KCNIP1: variants seen among roughly 807,000 people sequenced by gnomAD.
KCNIP1 encodes A-type potassium channel modulatory protein KCNIP1.
KCNIP1 carries 18 observed loss-of-function variants against 33.0 expected under a neutral mutation model. The ratio of observed to expected loss-of-function variants is 0.55; its 90% CI spans 0.38 to 0.81. KCNIP1 has a LOEUF of 0.81. KCNIP1 is among the 30% of genes least tolerant of loss of function. The pLI is 0.00. For synonymous variants in KCNIP1, 93 were observed against 98.3 expected (o/e 0.95, Z 0.32); for missense variants, 238 against 271.6 (o/e 0.88, Z 0.87).
At chr5:170,675,880 A>G (rs1359507152) in intron 1 of KCNIP1, among the ~76,000 whole-genome samples, 1 of 152,174 alleles carries the variant, frequency 6.6e-6, no homozygotes, top group African/African-American at 2.4e-5. Flanking sequence ...AAACTGCAAC[A>G]CGCAAATAGA....
intron 1 of KCNIP1, among the ~76,000 whole-genome samples, chr5:170,573,772 A>G (rs1333172663): frequency 6.6e-6 from 1 of 152,276 alleles, no homozygotes; most frequent in Non-Finnish European, 1.5e-5. Context: ...CCTTTGCAAA[A>G]AAGACAGTGG....
chr5:170,514,602 T>C (rs916314820), intron 1 of KCNIP1, among the ~76,000 whole-genome samples: 1 of 152,234 alleles, frequency 6.6e-6, no homozygotes, highest in Admixed American at 6.5e-5. Flanking sequence ...TTTAAGGAAG[T>C]CTGCCAAATT....
chr5:170,368,622 T>A (rs1763763263), intron 1 of KCNIP1, among the ~76,000 whole-genome samples: 1 of 152,224 alleles, frequency 6.6e-6, no homozygotes, highest in Non-Finnish European at 1.5e-5. Context: ...GCATCCATAT[T>A]TAATCAGAAA....
chr5:170,547,799 C>G (rs754836326), intron 1 of KCNIP1, among the ~76,000 whole-genome samples: 8 of 152,134 alleles, frequency 5.3e-5, no homozygotes, highest in Non-Finnish European at 1.0e-4. Context: ...GATTCCATAT[C>G]TCTGCTATTG....
At chr5:170,383,823 G>C in intron 1 of KCNIP1, 4 of 1,614,040 alleles carry the variant, frequency 2.5e-6, no homozygotes, top group Non-Finnish European at 3.4e-6. Flanking sequence ...TCTCAATCAG[G>C]TGGCACTTGG....
At chr5:170,719,691 T>A (rs962754251) in intron 2 of KCNIP1, among the ~76,000 whole-genome samples, 2 of 152,158 alleles carry the variant, frequency 1.3e-5, no homozygotes, top group African/African-American at 4.8e-5. Context: ...CCACAGGGAT[T>A]CCAGCCCCTC....
chr5:170,487,637 T>C (rs1378235803), intron 1 of KCNIP1, among the ~76,000 whole-genome samples: 1 of 150,572 alleles, frequency 6.6e-6, no homozygotes, highest in African/African-American at 2.4e-5. Context: ...TCCTCCCACC[T>C]CAGCCCCTCG....
intron 7 of KCNIP1, 68 bp downstream of exon 7, chr5:170,733,966 C>A: frequency 1.5e-6 from 2 of 1,341,930 alleles, no homozygotes; most frequent in East Asian, 2.3e-5. Flanking sequence ...TGGGGACCTG[C>A]AGAAGGAAGG....
At chr5:170,664,079 C>T (rs1484158114) in intron 1 of KCNIP1, among the ~76,000 whole-genome samples, 1 of 152,144 alleles carries the variant, frequency 6.6e-6, no homozygotes, top group Non-Finnish European at 1.5e-5. Flanking sequence ...TCAGTGTTAG[C>T]CAGACACTCC....
At chr5:170,566,590 G>T (rs915325699) in intron 1 of KCNIP1, among the ~76,000 whole-genome samples, 5 of 152,158 alleles carry the variant, frequency 3.3e-5, no homozygotes, top group African/African-American at 1.2e-4. Flanking sequence ...TCAGGAAACA[G>T]GTCTGCAATG....
In KCNIP1 at chr5:170,602,626, T is replaced by TG. The variant is rs1286951359; in HGVS notation, c.61+97995dup. Among the ~76,000 whole-genome samples the TG allele has an allele frequency of 2.6e-5, 4 of 152,344 alleles. No individual in the cohort carries two copies. In the East Asian group the frequency reaches 5.8e-4, roughly 22 times the overall value. ...CTCACTCACTCAGTGCTGGACACAG[T>TG]GGTCCTGACAAGACAGTGCTGTGGC... On this transcript the variant is annotated intron_variant, in intron 1 of 7. Transcript: ENST00000328939.
At chr5:170,681,277 G>T in intron 1 of KCNIP1, 1 of 395,916 alleles carries the variant, frequency 2.5e-6, no homozygotes, top group South Asian at 1.4e-4. Context: ...TGAGGGCGGA[G>T]ACCCGAGAGA....
At chr5:170,687,213 G>A (rs1238828679) in intron 1 of KCNIP1, among the ~76,000 whole-genome samples, 1 of 147,920 alleles carries the variant, frequency 6.8e-6, no homozygotes, top group Non-Finnish European at 1.5e-5. Context: ...ATGGAGTCTT[G>A]CTCTGTTGCC....
At chr5:170,393,371 C>T (rs1271534290) in intron 1 of KCNIP1, among the ~76,000 whole-genome samples, 2 of 152,114 alleles carry the variant, frequency 1.3e-5, no homozygotes, top group Admixed American at 1.3e-4. Flanking sequence ...AGTCTTGAGC[C>T]CCTGTGTGTG....
chr5:170,444,840 T>C (rs1285816356), intron 1 of KCNIP1, among the ~76,000 whole-genome samples: 1 of 152,128 alleles, frequency 6.6e-6, no homozygotes, highest in East Asian at 1.9e-4. Flanking sequence ...TTGCATTACT[T>C]TGGCTCCAGA....
At chr5:170,539,446 C>T (rs1377372007) in intron 1 of KCNIP1, among the ~76,000 whole-genome samples, 2 of 152,154 alleles carry the variant, frequency 1.3e-5, no homozygotes, top group Non-Finnish European at 2.9e-5. Flanking sequence ...TTCCTGCTTT[C>T]AACCCCCAGA....
rs545401163 is a variant in KCNIP1, at chr5:170,616,142, C to G, written c.62-102616C>G. Among the ~76,000 whole-genome samples the G allele has an allele frequency of 2.6e-5, 4 of 152,298 alleles. No individual in the cohort carries two copies. The East Asian group carries it at 5.8e-4, about 22-fold the overall frequency. On this transcript the variant is annotated intron_variant, in intron 1 of 7. Transcript: ENST00000328939. ...GCTGATGATGGAACCCTTATAGGCT[C>G]AAATCACTCACTTCTCTGAGCCTCC...
chr5:170,671,005 C>A (rs1761900732), intron 1 of KCNIP1, among the ~76,000 whole-genome samples: 1 of 152,090 alleles, frequency 6.6e-6, no homozygotes. Flanking sequence ...GTCTCCCCAC[C>A]TCTCTGTGGT....
chr5:170,546,834 C>G (rs1341267126), intron 1 of KCNIP1, among the ~76,000 whole-genome samples: 1 of 152,180 alleles, frequency 6.6e-6, no homozygotes, highest in African/African-American at 2.4e-5. Context: ...GTCACTCGCA[C>G]ATAAATATTA....
Sources: gnomAD v4.1 joint callset for allele counts (sites outside exome capture counted in the v4.1 genomes callset) on GRCh38, gnomAD v4.1.1 for gene constraint, MANE v1.5 for transcripts, NCBI Gene and HGNC (gene_info 2026-07-23, HGNC 2026-07-21) for gene names.